Variants in SRBD1 observed in about 807,000 individuals in gnomAD.
SRBD1 encodes the protein S1 RNA-binding domain-containing protein 1.
In SRBD1, 88 loss-of-function variants were observed where a neutral mutation model predicts 115.3. That is an observed-to-expected ratio of 0.76 (90% confidence interval 0.64 to 0.91). The LOEUF (loss-of-function observed/expected upper bound fraction) is 0.91. Ranked by LOEUF, SRBD1 falls within the 40% of genes least tolerant of loss-of-function variation. The probability of loss-of-function intolerance (pLI) is 0.00; values close to 1 mark genes in which losing one functional copy is unlikely to be tolerated. For synonymous variants in SRBD1, 509 were observed against 407.7 expected, an observed-to-expected ratio of 1.25 and a Z score of -2.99; for missense variants, 1,385 against 1,177.4, an observed-to-expected ratio of 1.18 and a Z score of -2.58.
At chr2:45,548,735 A>AT (rs1319795074) in intron 12 of SRBD1, among the ~76,000 whole-genome samples, 2 of 150,306 alleles carry the variant, frequency 1.3e-5, no homozygotes, top group Non-Finnish European at 3.0e-5. Flanking sequence ...AAAAACACTG[A>AT]TAAAATATAT....
chr2:45,473,979 G>T (rs1167044786), intron 16 of SRBD1, among the ~76,000 whole-genome samples: 2 of 152,064 alleles, frequency 1.3e-5, no homozygotes, highest in Non-Finnish European at 2.9e-5. Flanking sequence ...ACCTTTTTCA[G>T]TTCAAAACTG....
intron 14 of SRBD1, among the ~76,000 whole-genome samples, chr2:45,508,452 A>G (rs1670863044): frequency 2.6e-5 from 4 of 152,190 alleles, no homozygotes; most frequent in African/African-American, 9.6e-5. Flanking sequence ...TCCAAAATAA[A>G]TTTTAAAGGA....
rs771218816 is a variant in SRBD1 at position 45,581,797 on chromosome 2, T to C, written c.829A>G (p.Lys277Glu). 1.2e-6 allele frequency: 2 copies of C among 1,612,508 alleles called. No homozygotes were observed. The highest frequency in any genetic ancestry group is 2.2e-5 in the South Asian group (2 of 90,918). Residue 277 changes from lysine to glutamate, a missense_variant, in exon 6 of 21, where the codon AAA becomes GAA. Coordinates refer to ENST00000263736, the MANE Select transcript of SRBD1 (RefSeq NM_018079.5). ...ATTTTCTGGATTGTACTATGAACTT[T>C]CTTTGCAACAGCCCTGAAAAGAGAA... ...TLEELRAVAKKVHSTIQKIKK... is the reference protein window; with the variant it reads ...TLEELRAVAKEVHSTIQKIKK...
chr2:45,528,930 G>T (rs1157299223), intron 14 of SRBD1, among the ~76,000 whole-genome samples: 2 of 151,904 alleles, frequency 1.3e-5, no homozygotes, highest in African/African-American at 4.8e-5. Flanking sequence ...AATGGTCAGT[G>T]GATATGCTTT....
chr2:45,403,944 G>A (rs560729968), intron 19 of SRBD1, among the ~76,000 whole-genome samples: 2 of 151,996 alleles, frequency 1.3e-5, no homozygotes, highest in African/African-American at 2.4e-5. Flanking sequence ...CATTTAGAAC[G>A]TGCAGAGCAC....
Position 45,539,518 on chromosome 2 carries a change from C to T in SRBD1, c.1874+7214G>A, listed in dbSNP as rs77551345. Among the ~76,000 whole-genome samples the T allele has an allele frequency of 2.4e-3, 372 of 152,248 alleles. 2 individuals are homozygous for T. Among genetic ancestry groups the T allele is most frequent in the Middle Eastern group, 0.014 (4 of 294 alleles). On this transcript the variant is annotated intron_variant, in intron 14 of 20. Transcript: ENST00000263736. ...CAGAACTATAACTCACTATACTCTA[C>T]CCCCAGGAGATCACAATGAAAATGG... is the stretch of plus-strand genomic sequence containing the variant.
intron 16 of SRBD1, among the ~76,000 whole-genome samples, chr2:45,431,297 TG>T (rs1377235878): frequency 6.6e-6 from 1 of 152,180 alleles, no homozygotes; most frequent in Admixed American, 6.5e-5. Context: ...ATCCCATTAC[TG>T]GGTATATACT....
chr2:45,588,186 G>A (rs1001499440), intron 4 of SRBD1, among the ~76,000 whole-genome samples: 3 of 152,176 alleles, frequency 2.0e-5, no homozygotes, highest in African/African-American at 7.2e-5. Context: ...TTTTCAAAAT[G>A]TATACTGGAT....
At chr2:45,405,267 T>C (rs766540844) in intron 19 of SRBD1, among the ~76,000 whole-genome samples, 5 of 152,208 alleles carry the variant, frequency 3.3e-5, no homozygotes, top group Non-Finnish European at 7.3e-5. Flanking sequence ...CTGTCAGTTC[T>C]AGCCTAAGTT....
chr2:45,506,056 G>A (rs1363152057), intron 14 of SRBD1, among the ~76,000 whole-genome samples: 1 of 152,158 alleles, frequency 6.6e-6, no homozygotes, highest in Non-Finnish European at 1.5e-5. Context: ...GTCTAAGAAA[G>A]AGTAATAATG....
rs1429307421 is a variant in SRBD1 at position 45,392,803 on chromosome 2, A to G, written c.2698+142T>C. 3 of 875,028 alleles carry G rather than the reference A, an allele frequency of 3.4e-6. No homozygotes were observed. In the African/African-American group the frequency reaches 5.1e-5, roughly 15 times the overall value. 54.2% of individuals were successfully genotyped at this position (875,028 alleles called of 1,614,324 possible). Reference sequence around the variant, plus strand: ...TTAATTATAATGACTTTGAAGGAAGATCACCATGCTTTATTTTTCTCATGT... The same window carrying G: ...TTAATTATAATGACTTTGAAGGAAGGTCACCATGCTTTATTTTTCTCATGT... On this transcript the variant is annotated intron_variant, in intron 20 of 20. Transcript: ENST00000263736.
At chr2:45,517,347 T>G (rs1386114024) in intron 14 of SRBD1, among the ~76,000 whole-genome samples, 1 of 152,220 alleles carries the variant, frequency 6.6e-6, no homozygotes. Context: ...TAATTTCAAT[T>G]AGAACTCAAC....
chr2:45,399,893 A>G (rs1466342288), intron 19 of SRBD1, among the ~76,000 whole-genome samples: 1 of 152,198 alleles, frequency 6.6e-6, no homozygotes, highest in East Asian at 1.9e-4. Flanking sequence ...GTGCCTGTGA[A>G]TGTTTGAAAG....
At chr2:45,575,798 G>C (rs964147229) in intron 7 of SRBD1, among the ~76,000 whole-genome samples, 3 of 152,060 alleles carry the variant, frequency 2.0e-5, no homozygotes, top group Non-Finnish European at 4.4e-5. Context: ...CTGCCTCCTG[G>C]GTTCAAGTGA....
intron 16 of SRBD1, among the ~76,000 whole-genome samples, chr2:45,451,500 T>C (rs1668992199): frequency 6.6e-6 from 1 of 152,046 alleles, no homozygotes; most frequent in Admixed American, 6.6e-5. Context: ...ATCAGAGATT[T>C]TGTGGAAGAG....
chr2:45,443,125 G>T (rs1367710852), intron 16 of SRBD1, among the ~76,000 whole-genome samples: 2 of 152,128 alleles, frequency 1.3e-5, no homozygotes, highest in African/African-American at 4.8e-5. Flanking sequence ...ACAGAGATGG[G>T]ATCTGACATA....
Position 45,488,223 on chromosome 2 carries a change from G to A in SRBD1, c.1966+17C>T, listed in dbSNP as rs1378478722. On this transcript the variant is annotated intron_variant, in intron 15 of 20. Transcript: ENST00000263736. ...TATCAAAATCACATGTTTTTGTGAT[G>A]GTCCATAGTTTCTTACCTGCACTTC... 2 of 1,603,652 alleles carry A rather than the reference G, an allele frequency of 1.2e-6. No individual in the cohort carries two copies. The highest frequency in any genetic ancestry group is 1.7e-6 in the Non-Finnish European group (2 of 1,171,414).
At chr2:45,596,807 G>T in intron 4 of SRBD1, among the ~76,000 whole-genome samples, 1 of 152,208 alleles carries the variant, frequency 6.6e-6, no homozygotes, top group South Asian at 2.1e-4. Flanking sequence ...CTAAGTATTT[G>T]TCAACAGTGG....
chr2:45,607,155 A>C (rs1374901293), intron 1 of SRBD1, among the ~76,000 whole-genome samples: 2 of 152,154 alleles, frequency 1.3e-5, no homozygotes, highest in African/African-American at 4.8e-5. Flanking sequence ...TCCTTTCTCA[A>C]ATTAGTATTT....
Sources: allele counts gnomAD v4.1 joint callset (sites outside exome capture counted in the v4.1 genomes callset), GRCh38; gene constraint gnomAD v4.1.1; transcripts MANE v1.5; gene names NCBI Gene and HGNC (gene_info 2026-07-23, HGNC 2026-07-21).